Variants in RNF139 observed in about 807,000 individuals in gnomAD.
RNF139 encodes E3 ubiquitin-protein ligase RNF139.
Under a neutral mutation model 49.5 loss-of-function variants are expected in RNF139, and 15 were observed. The observed-to-expected ratio is 0.30, with a 90% CI of 0.20 to 0.47. RNF139 has a LOEUF of 0.47. RNF139 is among the 20% of genes least tolerant of loss of function. The pLI is 1.00. For synonymous variants in RNF139, 325 were observed against 300.9 expected (o/e 1.08, Z -0.83); for missense variants, 619 against 806.3 (o/e 0.77, Z 2.81).
Position 124,486,688 on chromosome 8 carries a change from G to A in RNF139, c.1039G>A (p.Glu347Lys). 1 of 1,614,136 alleles carries A rather than the reference G, an allele frequency of 6.2e-7. No homozygotes were observed. The highest frequency in any genetic ancestry group is 8.5e-7 in the Non-Finnish European group (1 of 1,180,014). The change falls in exon 2 of 2, where the codon GAG (glutamate) becomes AAG (lysine). Residue 347 changes from glutamate to lysine, a missense_variant. Coordinates refer to ENST00000303545, the MANE Select transcript of RNF139 (RefSeq NM_007218.4). ...QTGLSGLRPE[E>K]RLIRLSRNMC... ...TGGGTTAAGTGGGCTAAGACCAGAA[G>A]AGAGACTTATTCGCTTAAGTAGAAA... is the stretch of plus-strand genomic sequence containing the variant.
At chr8:124,485,057 A>G (rs1410482379) in intron 1 of RNF139, among the ~76,000 whole-genome samples, 2 of 152,114 alleles carry the variant, frequency 1.3e-5, no homozygotes, top group African/African-American at 4.8e-5. Context: ...TTCCTAAAGA[A>G]TCCTTTAAAA....
intron 1 of RNF139, among the ~76,000 whole-genome samples, chr8:124,479,022 G>T (rs1400383944): frequency 6.6e-6 from 1 of 152,116 alleles, no homozygotes; most frequent in African/African-American, 2.4e-5. Flanking sequence ...ACCGTGCCTG[G>T]CCCGGAAGAC....
At chr8:124,484,779 A>T (rs142655058) in intron 1 of RNF139, among the ~76,000 whole-genome samples, 367 of 152,326 alleles carry the variant, frequency 2.4e-3, no homozygotes, top group African/African-American at 8.3e-3. Flanking sequence ...ATTTTCTAAA[A>T]ACATGTCTTG....
chr8:124,475,421 G>C, intron 1 of RNF139, 131 bp downstream of exon 1: 1 of 942,390 alleles, frequency 1.1e-6, no homozygotes, highest in Non-Finnish European at 1.6e-6. Flanking sequence ...TCCCTCAAAG[G>C]GTCGTCTTTA....
intron 1 of RNF139, among the ~76,000 whole-genome samples, chr8:124,484,960 G>A (rs989807874): frequency 8.5e-5 from 13 of 152,126 alleles, no homozygotes; most frequent in African/African-American, 3.1e-4. Flanking sequence ...AATGCTCAGA[G>A]TTAAGGAGTA....
intron 1 of RNF139, among the ~76,000 whole-genome samples, chr8:124,481,008 T>TA (rs1816398562): frequency 6.6e-6 from 1 of 152,224 alleles, no homozygotes; most frequent in Non-Finnish European, 1.5e-5. Context: ...TTTGGCTTTT[T>TA]AAAATCCATG....
rs1816284361 is a variant in RNF139, at chr8:124,475,036, C to G, written c.-74C>G. ...GCGGAGTTGCCCGCCTTAGCCCCCG[C>G]CCCCGGCCGCGGCCCCGGGCCCTGC... On this transcript the variant is annotated 5_prime_UTR_variant, in exon 1 of 2. Coordinates refer to ENST00000303545, the MANE Select transcript of RNF139 (RefSeq NM_007218.4). The G allele has an allele frequency of 9.3e-7, 1 of 1,078,590 alleles. No homozygotes were observed. The highest frequency in any genetic ancestry group is 3.6e-5 in the East Asian group (1 of 28,076). The allele number at this position is 1,078,590 out of a possible 1,614,324, so 66.8% of individuals were successfully genotyped here.
At position 124,487,048 on chromosome 8, in the gene RNF139, A is replaced by G; in HGVS notation, c.1399A>G (p.Thr467Ala). Reference sequence around the variant, plus strand: ...CGATTATGTCTACTACGTTCGTTCAACAGGCAGTATTATTGAATTTATATT... The same window carrying G: ...CGATTATGTCTACTACGTTCGTTCAGCAGGCAGTATTATTGAATTTATATT... Reference protein sequence around the residue: ...LDDYVYYVRSTGSIIEFIFGV... With the variant: ...LDDYVYYVRSAGSIIEFIFGV... The change falls in exon 2 of 2, where the codon ACA becomes GCA. Residue 467 changes from threonine to alanine, a missense_variant. Thr to Ala is a moderately conservative substitution (Grantham distance 58). This residue lies in a region of RNF139 where 530 missense variants were observed against 728.9 expected (regional missense o/e 0.73). Coordinates refer to ENST00000303545, the MANE Select transcript of RNF139 (RefSeq NM_007218.4). 2 of 1,614,060 alleles carry G rather than the reference A, an allele frequency of 1.2e-6. No homozygotes were observed. Among genetic ancestry groups the G allele is most frequent in the East Asian group, 2.2e-5 (1 of 44,878 alleles).
chr8:124,486,563 T>C lies in RNF139; in HGVS notation c.914T>C (p.Leu305Ser), dbSNP rs752365671. The C allele has an allele frequency of 4.3e-6, 7 of 1,614,070 alleles. No homozygotes were observed. In the African/African-American group the frequency reaches 5.3e-5, roughly 12 times the overall value. Residue 305 changes from leucine to serine, a missense_variant, in exon 2 of 2, where the codon TTG becomes TCG. Leu to Ser is a moderately radical substitution (Grantham distance 145, BLOSUM62 -2). Around this residue, in one of 2 missense-constraint regions of RNF139, gnomAD observed 530 missense variants for 728.9 expected, o/e 0.73. Transcript: ENST00000303545. ...GTAATTTCCTCAGTAGCCCATTATT[T>C]GGGGCTTGGAATATTGGCCTTTATT... The part of the protein sequence containing the change: ...SAVISSVAHY[L>S]GLGILAFIGS...
chr8:124,483,113 A>ATTT (rs1165688842), intron 1 of RNF139, among the ~76,000 whole-genome samples: 9 of 514 alleles, frequency 0.018, 3 homozygotes, highest in South Asian at 0.33. Context: ...ATATATTAAA[A>ATTT]ATATATATAT....
Position 124,480,119 on chromosome 8 carries a change from C to A in RNF139, c.181+4829C>A, listed in dbSNP as rs74888846. Among the ~76,000 whole-genome samples the A allele has an allele frequency of 5.1e-3, 762 of 148,964 alleles. 3 individuals are homozygous for A. Among genetic ancestry groups the A allele is most frequent in the Non-Finnish European group, 9.3e-3 (628 of 67,504 alleles). ...ACTGCACTCCAGCCTGGCTGGGTGA[C>A]AGAGCAAGACCCTGTCTCTTAAAAA... is the stretch of plus-strand genomic sequence containing the variant. On this transcript the variant is annotated intron_variant, in intron 1 of 1. Coordinates refer to ENST00000303545, the MANE Select transcript of RNF139 (RefSeq NM_007218.4).
chr8:124,482,958 A>AAT lies in RNF139; in HGVS notation c.182-2862_182-2861dup, dbSNP rs71289669. ...TATAAAAAAAAATATATATATATATAATATATATATATTATTTAAATATAT... is the reference window on the plus strand; with the variant it reads ...TATAAAAAAAAATATATATATATATAATATATATATATATTATTTAAATATAT... On this transcript the variant is annotated intron_variant, in intron 1 of 1. Coordinates refer to ENST00000303545, the MANE Select transcript of RNF139 (RefSeq NM_007218.4). Among the ~76,000 whole-genome samples, 5 of 94,246 alleles carry AAT rather than the reference A, an allele frequency of 5.3e-5. 1 individual carries two copies. In the East Asian group the frequency reaches 1.1e-3, roughly 21 times the overall value. The allele number at this position is 94,246 out of a possible 152,430, so 61.8% of individuals were successfully genotyped here.
chr8:124,485,476 G>T (rs1322889123), intron 1 of RNF139, among the ~76,000 whole-genome samples: 1 of 152,094 alleles, frequency 6.6e-6, no homozygotes, highest in Non-Finnish European at 1.5e-5. Flanking sequence ...AATGATAAAA[G>T]ACATATTCTT....
chr8:124,476,401 G>C (rs1816316197), intron 1 of RNF139, among the ~76,000 whole-genome samples: 1 of 152,196 alleles, frequency 6.6e-6, no homozygotes, highest in African/African-American at 2.4e-5. Context: ...CCAGGAAACA[G>C]GGTCATAGAG....
In RNF139 at chr8:124,487,294, A is replaced by G. The variant is rs747815996; in HGVS notation, c.1645A>G (p.Ile549Val). The G allele has an allele frequency of 6.2e-7, 1 of 1,613,998 alleles. No homozygotes were observed. The highest frequency in any genetic ancestry group is 2.2e-5 in the East Asian group (1 of 44,886). The change falls in exon 2 of 2, where the codon ATC becomes GTC. Residue 549 changes from isoleucine (I) to valine (V), a missense_variant. Around this residue, in one of 2 missense-constraint regions of RNF139, gnomAD observed 530 missense variants for 728.9 expected, o/e 0.73. Transcript: ENST00000303545. ...RLQEINDVCA[I>V]CYHEFTTSAR... is the part of the protein sequence containing the mutation. Reference sequence around the variant, plus strand: ...ACAAGAAATAAATGATGTATGTGCAATCTGCTATCATGAGTTTACAACATC... The same window carrying G: ...ACAAGAAATAAATGATGTATGTGCAGTCTGCTATCATGAGTTTACAACATC...
rs780366891 is a variant in RNF139 at position 124,486,698 on chromosome 8, T to C, written c.1049T>C (p.Ile350Thr). ...GGGCTAAGACCAGAAGAGAGACTTA[T>C]TCGCTTAAGTAGAAACATGTGCCTT... is the stretch of plus-strand genomic sequence containing the variant. ...LSGLRPEERLIRLSRNMCLLL... is the reference protein window; with the variant it reads ...LSGLRPEERLTRLSRNMCLLL... Residue 350 changes from isoleucine (I) to threonine (T), a missense_variant, in exon 2 of 2, where the codon ATT (isoleucine) becomes ACT (threonine). This residue lies in a region of RNF139 where 530 missense variants were observed against 728.9 expected (regional missense o/e 0.73). Coordinates refer to ENST00000303545, the MANE Select transcript of RNF139 (RefSeq NM_007218.4). 6.2e-6 allele frequency: 10 copies of C among 1,614,028 alleles called. No individual in the cohort carries two copies. The highest frequency in any genetic ancestry group is 1.3e-5 in the African/African-American group (1 of 74,940).
chr8:124,482,970 T>TTTAAATATATATA (rs1563631061), intron 1 of RNF139, among the ~76,000 whole-genome samples: 1 of 92,578 alleles, frequency 1.1e-5, no homozygotes, highest in Non-Finnish European at 2.0e-5. Context: ...TATATATATA[T>TTTAAATATATATA]TATTTAAATA....
At position 124,475,078 on chromosome 8, in the gene RNF139, C is replaced by T; in HGVS notation, c.-32C>T. On this transcript the variant is annotated 5_prime_UTR_variant, in exon 1 of 2. Transcript: ENST00000303545. ...GGGCCCTGCCCCGCGCGGCCCTGCC[C>T]GGCCCACCGAGCCCTGGTGTGGCAG... 1.4e-6 allele frequency: 2 copies of T among 1,467,330 alleles called. No homozygotes were observed. The highest frequency in any genetic ancestry group is 2.7e-5 in the East Asian group (1 of 36,660). The allele number at this position is 1,467,330 out of a possible 1,614,324, so 90.9% of individuals were successfully genotyped here. A position where few individuals can be genotyped will look rare whatever the true frequency, so the allele number is the denominator to read the frequency against.
Position 124,487,562 on chromosome 8 carries a change from A to G in RNF139, c.1913A>G (p.Asp638Gly), listed in dbSNP as rs1010571838. The G allele has an allele frequency of 1.2e-5, 19 of 1,613,988 alleles. No individual in the cohort carries two copies. The highest frequency in any genetic ancestry group is 1.4e-5 in the Non-Finnish European group (17 of 1,179,968). ...AACGAAGATGACAGTACAGATTGTG[A>G]TGATGATGTTCAAAGAGAAAGAAAT... is the stretch of plus-strand genomic sequence containing the variant. ...ELNEDDSTDC[D>G]DDVQRERNGV... is the part of the protein sequence containing the mutation. The change falls in exon 2 of 2, where the codon GAT (aspartate) becomes GGT (glycine). Residue 638 changes from aspartate to glycine, a missense_variant. Asp to Gly is a moderately conservative substitution (Grantham distance 94). Coordinates refer to ENST00000303545, the MANE Select transcript of RNF139 (RefSeq NM_007218.4).
Sources: gnomAD v4.1 joint callset for allele counts (sites outside exome capture counted in the v4.1 genomes callset) on GRCh38, gnomAD v4.1.1 for gene constraint, gnomAD v4.1.1 regional missense constraint, MANE v1.5 for transcripts, NCBI Gene and HGNC (gene_info 2026-07-23, HGNC 2026-07-21) for gene names.